The following NRXN3 variants were observed in gnomAD, a reference collection of about 807,000 sequenced individuals.
NRXN3 encodes the protein neurexin 3.
NRXN3 carries 32 observed loss-of-function variants against 137.6 expected under a neutral mutation model. That is an observed-to-expected ratio of 0.23 (90% CI 0.18 to 0.31). The LOEUF is 0.31. Among genes scored for constraint, NRXN3 ranks in the 10% least tolerant of loss-of-function variants. The pLI is 1.00. For missense variants in NRXN3, 1,574 were observed against 2,062.5 expected (o/e 0.76, Z 4.59); for synonymous variants, 798 against 784.5 (o/e 1.02, Z -0.29).
chr14:79,477,775 A>T (rs74467456), intron 16 of NRXN3, among the ~76,000 whole-genome samples: 2 of 152,114 alleles, frequency 1.3e-5, no homozygotes, highest in Non-Finnish European at 2.9e-5. Context: ...GACTTATTCT[A>T]TGATGATGCA....
intron 4 of NRXN3, among the ~76,000 whole-genome samples, chr14:78,419,961 G>GCA (rs1256574515): frequency 0.055 from 2,691 of 49,222 alleles, 76 homozygotes; most frequent in South Asian, 0.11. Flanking sequence ...GCGCGCGCAC[G>GCA]CACACACACA....
chr14:78,200,575 C>T (rs751560710), intron 1 of NRXN3, among the ~76,000 whole-genome samples: 18 of 152,268 alleles, frequency 1.2e-4, no homozygotes, highest in Non-Finnish European at 2.5e-4. Context: ...GGTTGAAAAC[C>T]ATAGCTGTAG....
intron 4 of NRXN3, among the ~76,000 whole-genome samples, chr14:78,453,640 T>C (rs2094603893): frequency 1.3e-5 from 2 of 152,214 alleles, no homozygotes; most frequent in Admixed American, 1.3e-4. Context: ...AAATTCTAAC[T>C]CCCAGAACTT....
chr14:78,235,040 G>GTATATATA (rs1338237743), intron 1 of NRXN3, among the ~76,000 whole-genome samples: 18 of 103,736 alleles, frequency 1.7e-4, no homozygotes, highest in South Asian at 6.7e-4. Flanking sequence ...ATATATATGT[G>GTATATATA]TGTGTGTGTG....
intron 16 of NRXN3, among the ~76,000 whole-genome samples, chr14:79,567,161 C>T (rs1386126414): frequency 7.9e-5 from 12 of 151,830 alleles, no homozygotes; most frequent in Non-Finnish European, 1.6e-4. Context: ...TTTGTTTATA[C>T]TAATGATTTG....
At chr14:79,614,041 A>T (rs555777288) in intron 16 of NRXN3, among the ~76,000 whole-genome samples, 2 of 152,278 alleles carry the variant, frequency 1.3e-5, no homozygotes, top group Non-Finnish European at 2.9e-5. Flanking sequence ...ATGTCCAATT[A>T]TCTGACTGCC....
chr14:78,858,011 G>A (rs1002000629), intron 10 of NRXN3, among the ~76,000 whole-genome samples: 2 of 152,200 alleles, frequency 1.3e-5, no homozygotes, highest in Admixed American at 1.3e-4. Flanking sequence ...CAGATAGGAA[G>A]TAGAATGCTG....
At chr14:79,756,002 T>C (rs776933823) in intron 19 of NRXN3, among the ~76,000 whole-genome samples, 15 of 152,162 alleles carry the variant, frequency 9.9e-5, no homozygotes, top group Non-Finnish European at 2.1e-4. Context: ...ACTTTCTGGC[T>C]TCTACCTCCA....
At chr14:78,494,646 C>G (rs2095738797) in intron 4 of NRXN3, among the ~76,000 whole-genome samples, 1 of 152,118 alleles carries the variant, frequency 6.6e-6, no homozygotes, top group Non-Finnish European at 1.5e-5. Context: ...ATCCCTCTGT[C>G]TAGAGCCAGC....
In NRXN3 at chr14:79,629,799, G is replaced by T. The variant is rs183321148; in HGVS notation, c.3445-33979G>T. ...CGGTGATAAAGAACAGATATGTTTT[G>T]TGTGTGTGTATGTGCGTGTGTGTGT... On this transcript the variant is annotated intron_variant, in intron 16 of 20. Coordinates refer to ENST00000335750, the MANE Select transcript of NRXN3 (RefSeq NM_001330195.2). Among the ~76,000 whole-genome samples, 424 of 150,350 alleles carry T rather than the reference G, an allele frequency of 2.8e-3. 2 individuals are homozygous for T. Among genetic ancestry groups the T allele is most frequent in the African/African-American group, 0.01 (407 of 40,592 alleles).
intron 16 of NRXN3, among the ~76,000 whole-genome samples, chr14:79,514,318 T>C (rs565637858): frequency 1.3e-5 from 2 of 151,918 alleles, no homozygotes; most frequent in Middle Eastern, 3.4e-3. Context: ...TGGCCTAAAA[T>C]TCAAGCCTCT....
chr14:78,514,261 G>C (rs1203553335), intron 4 of NRXN3, among the ~76,000 whole-genome samples: 1 of 152,074 alleles, frequency 6.6e-6, no homozygotes, highest in Non-Finnish European at 1.5e-5. Flanking sequence ...ATAAATTATT[G>C]CCATAGGAAA....
intron 16 of NRXN3, among the ~76,000 whole-genome samples, chr14:79,627,180 T>C (rs924141161): frequency 3.3e-5 from 5 of 152,176 alleles, no homozygotes; most frequent in Non-Finnish European, 5.9e-5. Flanking sequence ...GTGATAGAAA[T>C]ACAGGACTTG....
intron 4 of NRXN3, among the ~76,000 whole-genome samples, chr14:78,518,931 T>G (rs2096249558): frequency 6.6e-6 from 1 of 152,024 alleles, no homozygotes; most frequent in Non-Finnish European, 1.5e-5. Context: ...TCCCCTGGAA[T>G]CTAGTATTGA....
intron 15 of NRXN3, among the ~76,000 whole-genome samples, chr14:79,106,212 A>G (rs2052407040): frequency 6.6e-6 from 1 of 152,132 alleles, no homozygotes; most frequent in Non-Finnish European, 1.5e-5. Flanking sequence ...CAGATAGTAT[A>G]ATATCAGCTC....
intron 15 of NRXN3, among the ~76,000 whole-genome samples, chr14:79,081,837 T>C (rs2047077274): frequency 6.6e-6 from 1 of 152,044 alleles, no homozygotes; most frequent in South Asian, 2.1e-4. Context: ...GCAAGATCTT[T>C]ATGGTTACTG....
intron 19 of NRXN3, among the ~76,000 whole-genome samples, chr14:79,727,671 T>G (rs974997653): frequency 3.3e-5 from 5 of 152,214 alleles, no homozygotes; most frequent in African/African-American, 1.2e-4. Flanking sequence ...GTCTCATTTC[T>G]CTTTCCTTTT....
chr14:79,624,456 T>C (rs146501251), intron 16 of NRXN3, among the ~76,000 whole-genome samples: 1 of 152,172 alleles, frequency 6.6e-6, no homozygotes, highest in African/African-American at 2.4e-5. Context: ...TATATATATG[T>C]ATACATAGTG....
chr14:78,588,515 GA>G (rs2097088852), intron 4 of NRXN3, among the ~76,000 whole-genome samples: 2 of 152,170 alleles, frequency 1.3e-5, no homozygotes, highest in Non-Finnish European at 1.5e-5. Context: ...GCTGAGATGT[GA>G]ACAACCCTAG....
Sources: gnomAD v4.1 joint callset for allele counts (sites outside exome capture counted in the v4.1 genomes callset) on GRCh38, gnomAD v4.1.1 for gene constraint, MANE v1.5 for transcripts, NCBI Gene and HGNC (gene_info 2026-07-23, HGNC 2026-07-21) for gene names.